Variants in FAU observed in about 807,000 individuals in gnomAD.
FAU encodes the protein ubiquitin-like FUBI-ribosomal protein eS30 fusion protein.
For missense variants in FAU, 125 were observed against 173.9 expected (o/e 0.72, Z 1.58); for synonymous variants, 70 against 69.9 (o/e 1.00, Z -0.01).
intron 1 of FAU, 62 bp from the exon 2 acceptor site, chr11:65,121,883 T>G: frequency 6.4e-7 from 1 of 1,560,284 alleles, no homozygotes. Flanking sequence ...AAAGGAGATT[T>G]GGGAGTGGAA....
At position 65,121,043 on chromosome 11, in the gene FAU, T is replaced by TG. The variant is rs1411555317; in HGVS notation, c.221-8dup. On this transcript the variant is annotated splice_polypyrimidine_tract_variant and splice_region_variant and intron_variant, in intron 3 of 4. Coordinates refer to ENST00000529639, the MANE Select transcript of FAU (RefSeq NM_001997.5). ...AGGGAACCATGGACTTTACCTGTAG[T>TG]GGGAAAGGAAGGCACCAGCAGGTAA... The TG allele has an allele frequency of 6.2e-7, 1 of 1,614,100 alleles. No individual in the cohort carries two copies. The highest frequency in any genetic ancestry group is 8.5e-7 in the Non-Finnish European group (1 of 1,180,006).
At chr11:65,120,830 G>C in intron 4 of FAU, 24 bp from the exon 5 acceptor site, 1 of 1,613,596 alleles carries the variant, frequency 6.2e-7, no homozygotes. Context: ...GGTTAATCAG[G>C]CCCTGGTTCC....
intron 1 of FAU, 122 bp downstream of exon 1, chr11:65,121,968 T>A (rs751095427): frequency 1.3e-6 from 1 of 770,934 alleles, no homozygotes; most frequent in Non-Finnish European, 2.1e-6. Context: ...TCCCAAGGAG[T>A]TCGGATAGGG....
chr11:65,120,794 C>T lies in FAU; in HGVS notation c.289G>A (p.Glu97Lys). The stretch of plus-strand genomic sequence containing the variant: ...CGACCTGTCTTCTTCTTCTTCTTCT[C>T]CTGTTTGGCCACCTGGAGAAGGGAA... ...RGQTPKVAKQ[E>K]KKKKKTGRAK... The change falls in exon 5 of 5, where the codon GAG becomes AAG. Residue 97 changes from glutamate (E) to lysine (K), a missense_variant. Coordinates refer to ENST00000529639, the MANE Select transcript of FAU (RefSeq NM_001997.5). 6.2e-7 allele frequency: 1 copy of T among 1,614,036 alleles called. No homozygotes were observed. The highest frequency in any genetic ancestry group is 8.5e-7 in the Non-Finnish European group (1 of 1,179,980).
At chr11:65,121,433 A>G in intron 3 of FAU, 67 bp downstream of exon 3, 1 of 1,558,796 alleles carries the variant, frequency 6.4e-7, no homozygotes. Context: ...CTCAGCTGTC[A>G]GGACTATGCA....
rs1182048741 is a variant in FAU at position 65,120,959 on chromosome 11, G to T, written c.276+22C>A. The T allele has an allele frequency of 3.7e-6, 6 of 1,613,734 alleles. No individual in the cohort carries two copies. In the East Asian group the frequency reaches 1.1e-4, roughly 30 times the overall value. On this transcript the variant is annotated intron_variant, in intron 4 of 4. Transcript: ENST00000529639. ...AAAGGAAAAAAAGTCCTAACACCAT[G>T]ACCACTAATACTCTCACTCACCTTA...
chr11:65,121,214 AT>A, intron 3 of FAU, 178 bp from the exon 4 acceptor site: 1 of 789,542 alleles, frequency 1.3e-6, no homozygotes, highest in Non-Finnish European at 2.0e-6. Context: ...CCAGCTTCTA[AT>A]TTTATAGAGC....
At chr11:65,121,850 G>A (rs575254200) in intron 1 of FAU, 29 bp from the exon 2 acceptor site, 419 of 1,605,620 alleles carry the variant, frequency 2.6e-4, no homozygotes, top group South Asian at 1.5e-3. Context: ...GCTTGTAAGA[G>A]AAGCCAAGAA....
chr11:65,121,474 T>A, intron 3 of FAU, 26 bp downstream of exon 3: 1 of 1,608,038 alleles, frequency 6.2e-7, no homozygotes. Flanking sequence ...TACCGGTACT[T>A]CAAAGAACAT....
At chr11:65,120,959 G>A in intron 4 of FAU, 22 bp downstream of exon 4, 1 of 1,613,738 alleles carries the variant, frequency 6.2e-7, no homozygotes, top group South Asian at 1.1e-5. Context: ...CTAACACCAT[G>A]ACCACTAATA....
In FAU at chr11:65,120,964, C is replaced by T. The variant is rs753236629; in HGVS notation, c.276+17G>A. The T allele has an allele frequency of 6.2e-7, 1 of 1,614,076 alleles. No individual in the cohort carries two copies. Among genetic ancestry groups the T allele is most frequent in the Middle Eastern group, 1.6e-4 (1 of 6,062 alleles). On this transcript the variant is annotated intron_variant, in intron 4 of 4. Transcript: ENST00000529639. Reference sequence around the variant, plus strand: ...AAAAAAAGTCCTAACACCATGACCACTAATACTCTCACTCACCTTAGGAGT... The same window carrying T: ...AAAAAAAGTCCTAACACCATGACCATTAATACTCTCACTCACCTTAGGAGT...
In FAU at chr11:65,120,681, T is replaced by C. The variant is rs1065069; in HGVS notation, c.402A>G (p.Ter134=). 2.5e-6 allele frequency: 4 copies of C among 1,614,088 alleles called. No individual in the cohort carries two copies. Among genetic ancestry groups the C allele is most frequent in the Non-Finnish European group, 3.4e-6 (4 of 1,180,006 alleles). The change falls in exon 5 of 5, where the codon TAA becomes TAG. Residue 134 remains the stop codon, a stop_retained_variant. Transcript: ENST00000529639. ...AGAGAAAGCCAGAATTACAAAAGAC[T>C]TAAGAGTTGGCATTGGGGCCCTTCT... ...GKKKGPNANS[*] is the part of the protein sequence containing the mutation.
chr11:65,121,450 A>C (rs775888556), intron 3 of FAU, 50 bp downstream of exon 3: 10 of 1,591,594 alleles, frequency 6.3e-6, no homozygotes, highest in Non-Finnish European at 8.6e-6. Flanking sequence ...TGCACCCCAC[A>C]CTCACTAGAC....
chr11:65,120,810 G>A lies in FAU; in HGVS notation c.277-4C>T, dbSNP rs758496449. 7 of 1,613,984 alleles carry A rather than the reference G, an allele frequency of 4.3e-6. No homozygotes were observed. The Admixed American group carries it at 1.0e-4, about 23-fold the overall frequency. On this transcript the variant is annotated splice_polypyrimidine_tract_variant and splice_region_variant and intron_variant, in intron 4 of 4. Transcript: ENST00000529639. Reference sequence around the variant, plus strand: ...TCTTCTTCTCCTGTTTGGCCACCTGGAGAAGGGAAGGTTAATCAGGCCCTG... The same window carrying A: ...TCTTCTTCTCCTGTTTGGCCACCTGAAGAAGGGAAGGTTAATCAGGCCCTG...
At chr11:65,121,895 G>A (rs1232856913) in intron 1 of FAU, 74 bp from the exon 2 acceptor site, 8 of 1,505,712 alleles carry the variant, frequency 5.3e-6, no homozygotes, top group Non-Finnish European at 7.3e-6. Context: ...GGAGTGGAAA[G>A]CGGTCCAGAA....
intron 1 of FAU, 70 bp downstream of exon 1, chr11:65,122,020 C>T (rs1276959587): frequency 9.6e-6 from 6 of 623,178 alleles, no homozygotes; most frequent in Non-Finnish European, 1.7e-5. Flanking sequence ...CTTCGGTTCC[C>T]CCCGCGCCTT....
chr11:65,121,414 G>A, intron 3 of FAU, 86 bp downstream of exon 3: 3 of 1,491,822 alleles, frequency 2.0e-6, no homozygotes, highest in South Asian at 2.5e-5. Context: ...TATTACCATA[G>A]GTGTGACACT....
chr11:65,121,672 G>T lies in FAU; in HGVS notation c.76-28C>A. ...ACAGGGAAAGATAAGGCTCGTAAGC[G>T]TTCCCTCGGGCCGCGAGAGTGAAGA... On this transcript the variant is annotated intron_variant, in intron 2 of 4. Coordinates refer to ENST00000529639, the MANE Select transcript of FAU (RefSeq NM_001997.5). 1.9e-6 allele frequency: 3 copies of T among 1,613,634 alleles called. No homozygotes were observed. The East Asian group carries it at 6.7e-5, about 36-fold the overall frequency.
chr11:65,121,287 C>G, intron 3 of FAU: 2 of 754,788 alleles, frequency 2.6e-6, no homozygotes, highest in Non-Finnish European at 4.2e-6. Flanking sequence ...ACTAGGATCT[C>G]GTGATGTGAC....
Sources: gnomAD v4.1 joint callset for allele counts on GRCh38, gnomAD v4.1.1 for gene constraint, MANE v1.5 for transcripts, NCBI Gene and HGNC (gene_info 2026-07-23, HGNC 2026-07-21) for gene names.